Variants in TTC7B observed in about 807,000 individuals in gnomAD.
TTC7B encodes the protein tetratricopeptide repeat protein 7B.
In TTC7B, 28 loss-of-function variants were observed where a neutral mutation model predicts 106.8. The observed-to-expected ratio is 0.26, with a 90% CI of 0.19 to 0.36. The LOEUF is 0.36. TTC7B is among the 10% of genes least tolerant of loss of function. The pLI, the probability that TTC7B is intolerant of heterozygous loss-of-function variation, is 1.00. For missense variants in TTC7B, 862 were observed against 1,076.4 expected (o/e 0.80, Z 2.79); for synonymous variants, 405 against 430.6 (o/e 0.94, Z 0.74).
intron 19 of TTC7B, among the ~76,000 whole-genome samples, chr14:90,566,231 C>A (rs534250551): frequency 2.6e-5 from 4 of 152,046 alleles, no homozygotes; most frequent in African/African-American, 9.6e-5. Flanking sequence ...AGGTGCCCAG[C>A]TACTTGGGAG....
intron 16 of TTC7B, among the ~76,000 whole-genome samples, chr14:90,612,801 C>T (rs1892927007): frequency 6.6e-6 from 1 of 152,220 alleles, no homozygotes; most frequent in African/African-American, 2.4e-5. Context: ...CAACACACAT[C>T]TGAGGTTAAT....
intron 3 of TTC7B, among the ~76,000 whole-genome samples, chr14:90,752,452 C>T (rs1331235795): frequency 4.6e-5 from 7 of 152,352 alleles, no homozygotes; most frequent in African/African-American, 1.7e-4. Flanking sequence ...GGAAGTTTGG[C>T]TGAGGACGTG....
chr14:90,736,101 T>G (rs1057251671), intron 4 of TTC7B, among the ~76,000 whole-genome samples: 2 of 152,032 alleles, frequency 1.3e-5, no homozygotes, highest in African/African-American at 4.8e-5. Context: ...AAAGTAGCAC[T>G]GAAATTTGGA....
At chr14:90,646,105 C>T (rs544675664) in intron 14 of TTC7B, among the ~76,000 whole-genome samples, 15 of 152,308 alleles carry the variant, frequency 9.8e-5, no homozygotes, top group Admixed American at 5.2e-4. Flanking sequence ...TCCTTAGTCC[C>T]TAGGTTGCCA....
At chr14:90,615,811 C>T (rs1414480950) in intron 16 of TTC7B, among the ~76,000 whole-genome samples, 1 of 152,172 alleles carries the variant, frequency 6.6e-6, no homozygotes, top group Non-Finnish European at 1.5e-5. Flanking sequence ...TTAATAAGGG[C>T]TGCTCAATTC....
chr14:90,571,609 T>A (rs1439060122), intron 19 of TTC7B, among the ~76,000 whole-genome samples: 1 of 152,238 alleles, frequency 6.6e-6, no homozygotes, highest in African/African-American at 2.4e-5. Context: ...CACTGGACTA[T>A]CATGAAGTTT....
rs1338243874 is a variant in TTC7B, at chr14:90,541,504, T to A, written c.2396A>T (p.Glu799Val). ...GACCTCGCCCAGCCCGTTCCAGACC[T>A]CGTGGGCTGTCGAGTTCACCTGCAC... The part of the protein sequence containing the change: ...DAVQVNSTAH[E>V]VWNGLGEVLQ... The change falls in exon 20 of 20, where the codon GAG (glutamate) becomes GTG (valine). Residue 799 changes from glutamate to valine, a missense_variant. By Grantham distance (121) the Glu-to-Val change is moderately radical. Transcript: ENST00000328459. 1.2e-6 allele frequency: 2 copies of A among 1,614,038 alleles called. No homozygotes were observed. Among genetic ancestry groups the A allele is most frequent in the South Asian group, 1.1e-5 (1 of 91,074 alleles).
chr14:90,719,292 A>G (rs561378255), intron 5 of TTC7B, among the ~76,000 whole-genome samples: 2 of 152,230 alleles, frequency 1.3e-5, no homozygotes, highest in Non-Finnish European at 2.9e-5. Flanking sequence ...AAACAAAAAC[A>G]ACAAAAATAA....
chr14:90,564,500 C>A (rs1890709125), intron 19 of TTC7B, among the ~76,000 whole-genome samples: 1 of 152,200 alleles, frequency 6.6e-6, no homozygotes, highest in Non-Finnish European at 1.5e-5. Flanking sequence ...CAGCCCCTAA[C>A]AAAAGAACCA....
intron 5 of TTC7B, among the ~76,000 whole-genome samples, chr14:90,717,338 CAAAA>C (rs560270175): frequency 1.2e-5 from 1 of 83,078 alleles, no homozygotes. Context: ...GACTCCATCT[CAAAA>C]AAAAAAAAAA....
At chr14:90,728,593 T>G (rs1595328369) in intron 5 of TTC7B, among the ~76,000 whole-genome samples, 1 of 152,234 alleles carries the variant, frequency 6.6e-6, no homozygotes, top group African/African-American at 2.4e-5. Flanking sequence ...TATTTTTTAG[T>G]TGGATTCCAG....
chr14:90,725,333 G>A (rs1889054326), intron 5 of TTC7B, among the ~76,000 whole-genome samples: 1 of 152,188 alleles, frequency 6.6e-6, no homozygotes, highest in African/African-American at 2.4e-5. Context: ...GGATGTGGGA[G>A]CCTGTCTGCT....
chr14:90,621,004 G>A (rs1433041992), intron 15 of TTC7B, among the ~76,000 whole-genome samples: 3 of 152,198 alleles, frequency 2.0e-5, no homozygotes, highest in African/African-American at 4.8e-5. Context: ...GAGAGAGGCT[G>A]GCAGAGAAAA....
intron 1 of TTC7B, among the ~76,000 whole-genome samples, chr14:90,803,821 C>T (rs2140059164): frequency 6.6e-6 from 1 of 152,254 alleles, no homozygotes; most frequent in East Asian, 1.9e-4. Flanking sequence ...CACACACACA[C>T]ACACACACAC....
intron 3 of TTC7B, among the ~76,000 whole-genome samples, chr14:90,773,522 G>C (rs967115477): frequency 6.6e-6 from 1 of 152,134 alleles, no homozygotes; most frequent in Non-Finnish European, 1.5e-5. Context: ...TAGGGTCCGG[G>C]ATTGTTCTCA....
chr14:90,582,522 T>C (rs1891541934), intron 18 of TTC7B, among the ~76,000 whole-genome samples: 1 of 152,216 alleles, frequency 6.6e-6, no homozygotes, highest in African/African-American at 2.4e-5. Flanking sequence ...GCACAGGCCT[T>C]ATACCAGTGC....
chr14:90,786,097 C>T lies in TTC7B; in HGVS notation c.276+77G>A, dbSNP rs547631034. The T allele has an allele frequency of 1.4e-5, 20 of 1,440,394 alleles. No homozygotes were observed. The East Asian group carries it at 1.6e-4, about 11-fold the overall frequency. 89.2% of individuals were successfully genotyped at this position (1,440,394 alleles called of 1,614,324 possible). A position where few individuals can be genotyped will look rare whatever the true frequency, so the allele number is the denominator to read the frequency against. ...GTGCAGGTGAGCTCCAAACGTCACCCGGCTCAACCCTGGGCACCCTTCTCA... is the reference window on the plus strand; with the variant it reads ...GTGCAGGTGAGCTCCAAACGTCACCTGGCTCAACCCTGGGCACCCTTCTCA... On this transcript the variant is annotated intron_variant, in intron 2 of 19. Transcript: ENST00000328459.
At chr14:90,746,259 G>A (rs917670801) in intron 3 of TTC7B, among the ~76,000 whole-genome samples, 6 of 151,858 alleles carry the variant, frequency 4.0e-5, no homozygotes, top group South Asian at 2.1e-4. Flanking sequence ...CTATTTCTTC[G>A]ATATAGGGTC....
Position 90,608,629 on chromosome 14 carries a change from G to A in TTC7B, c.1966+2113C>T, listed in dbSNP as rs535459934. Among the ~76,000 whole-genome samples, 13 of 152,234 alleles carry A rather than the reference G, an allele frequency of 8.5e-5. No individual in the cohort carries two copies. The highest frequency in any genetic ancestry group is 1.8e-4 in the Non-Finnish European group (12 of 68,020). ...GGGAGGAGGAAGACCCGGGGGCCAG[G>A]CCCAACCCAGGGCAGTGACACCGCA... On this transcript the variant is annotated intron_variant, in intron 17 of 19. Transcript: ENST00000328459. The surrounding 1 kb of genome is among the most constrained non-coding windows in gnomAD (Gnocchi z 5.1).
Sources: gnomAD v4.1 joint callset for allele counts (sites outside exome capture counted in the v4.1 genomes callset) on GRCh38, gnomAD v4.1.1 for gene constraint, Gnocchi (gnomAD v3.1) non-coding constraint, MANE v1.5 for transcripts, NCBI Gene and HGNC (gene_info 2026-07-23, HGNC 2026-07-21) for gene names.